VEGFC: variants seen among roughly 807,000 people sequenced by gnomAD.
VEGFC encodes vascular endothelial growth factor C.
Under a neutral mutation model 46.1 loss-of-function variants are expected in VEGFC, and 12 were observed. That is an observed-to-expected ratio of 0.26 (90% CI 0.17 to 0.42). VEGFC has a LOEUF of 0.42. Ranked by LOEUF, VEGFC falls within the 10% of genes least tolerant of loss-of-function variation. The pLI, the probability that VEGFC is intolerant of heterozygous loss-of-function variation, is 1.00. For synonymous variants in VEGFC, 232 were observed against 195.5 expected (o/e 1.19, Z -1.56); for missense variants, 488 against 529.4 (o/e 0.92, Z 0.77).
intron 1 of VEGFC, among the ~76,000 whole-genome samples, chr4:176,752,733 AG>A (rs1259434260): frequency 6.6e-6 from 1 of 152,096 alleles, no homozygotes; most frequent in Non-Finnish European, 1.5e-5. Context: ...CACATAACTA[AG>A]AAATAGGACT....
intron 4 of VEGFC, among the ~76,000 whole-genome samples, chr4:176,697,960 GA>G (rs1209960999): frequency 6.6e-6 from 1 of 151,034 alleles, no homozygotes; most frequent in Non-Finnish European, 1.5e-5. Context: ...ACAGGAAGGG[GA>G]ACATCACACT....
At chr4:176,771,366 G>A (rs957652848) in intron 1 of VEGFC, among the ~76,000 whole-genome samples, 6 of 152,168 alleles carry the variant, frequency 3.9e-5, no homozygotes, top group Admixed American at 3.9e-4. Context: ...TCTTTTAAAT[G>A]TCTTTCCATG....
At chr4:176,702,393 T>C (rs974824747) in intron 4 of VEGFC, among the ~76,000 whole-genome samples, 4 of 152,148 alleles carry the variant, frequency 2.6e-5, no homozygotes, top group South Asian at 2.1e-4. Flanking sequence ...GTCTTCCAAA[T>C]TGAAATAATA....
chr4:176,778,416 G>A (rs780921037), intron 1 of VEGFC, among the ~76,000 whole-genome samples: 6 of 151,894 alleles, frequency 4.0e-5, no homozygotes, highest in Non-Finnish European at 5.9e-5. Context: ...AAGTAAATAG[G>A]AGCTTTTTCT....
chr4:176,728,375 A>G (rs1453912505), intron 2 of VEGFC, among the ~76,000 whole-genome samples: 1 of 152,096 alleles, frequency 6.6e-6, no homozygotes, highest in Non-Finnish European at 1.5e-5. Flanking sequence ...GCAAATATAA[A>G]TATAATTTTA....
chr4:176,769,004 A>G (rs1253722248), intron 1 of VEGFC, among the ~76,000 whole-genome samples: 1 of 152,008 alleles, frequency 6.6e-6, no homozygotes, highest in African/African-American at 2.4e-5. Context: ...TTAAGAGGCC[A>G]GACCTTTGGG....
chr4:176,734,928 T>C (rs775859467), intron 1 of VEGFC, among the ~76,000 whole-genome samples: 1 of 151,870 alleles, frequency 6.6e-6, no homozygotes, highest in Non-Finnish European at 1.5e-5. Context: ...ATAAATGTAA[T>C]TTAAAAGCAT....
intron 6 of VEGFC, among the ~76,000 whole-genome samples, chr4:176,686,350 T>C (rs1734041506): frequency 6.6e-6 from 1 of 152,214 alleles, no homozygotes; most frequent in South Asian, 2.1e-4. Flanking sequence ...TGCCTCGTTT[T>C]TGAGCAGCTT....
At chr4:176,714,040 GGGCTCAAGT>G (rs2111001636) in intron 3 of VEGFC, among the ~76,000 whole-genome samples, 1 of 152,310 alleles carries the variant, frequency 6.6e-6, no homozygotes, top group East Asian at 1.9e-4. Flanking sequence ...TAGTGGGAAA[GGGCTCAAGT>G]GGCTCAGACC....
intron 3 of VEGFC, among the ~76,000 whole-genome samples, chr4:176,713,246 T>C (rs1050411845): frequency 2.0e-5 from 3 of 152,214 alleles, no homozygotes; most frequent in Non-Finnish European, 4.4e-5. Context: ...CAGTTTCTTA[T>C]CTAAAAAGAT....
intron 1 of VEGFC, among the ~76,000 whole-genome samples, chr4:176,748,483 AAGT>A (rs1258402534): frequency 6.6e-6 from 1 of 152,002 alleles, no homozygotes; most frequent in Non-Finnish European, 1.5e-5. Context: ...TGGATATTTC[AAGT>A]AGTACGTATA....
At chr4:176,786,413 A>G (rs1384757477) in intron 1 of VEGFC, among the ~76,000 whole-genome samples, 1 of 152,070 alleles carries the variant, frequency 6.6e-6, no homozygotes, top group African/African-American at 2.4e-5. Flanking sequence ...CAATATTCAA[A>G]ACATCCCTCT....
intron 4 of VEGFC, among the ~76,000 whole-genome samples, chr4:176,710,468 T>C (rs1201476625): frequency 6.6e-6 from 1 of 152,180 alleles, no homozygotes; most frequent in African/African-American, 2.4e-5. Flanking sequence ...TTCCAGGTTT[T>C]CCTAAACTGT....
intron 4 of VEGFC, among the ~76,000 whole-genome samples, chr4:176,707,803 A>C (rs938044102): frequency 2.6e-5 from 4 of 152,252 alleles, no homozygotes; most frequent in African/African-American, 7.2e-5. Context: ...CTATGACTGG[A>C]GGATTTTCTC....
chr4:176,771,831 AGT>A (rs1439949429), intron 1 of VEGFC, among the ~76,000 whole-genome samples: 1 of 152,190 alleles, frequency 6.6e-6, no homozygotes, highest in East Asian at 1.9e-4. Context: ...ATGATCACAC[AGT>A]GTGGGATCTA....
intron 4 of VEGFC, among the ~76,000 whole-genome samples, chr4:176,704,066 A>G (rs1734480619): frequency 6.6e-6 from 1 of 151,934 alleles, no homozygotes; most frequent in African/African-American, 2.4e-5. Context: ...TTATTCTTGA[A>G]CCTTTCTAAT....
chr4:176,766,356 C>T (rs1735622303), intron 1 of VEGFC, among the ~76,000 whole-genome samples: 1 of 152,024 alleles, frequency 6.6e-6, no homozygotes, highest in Non-Finnish European at 1.5e-5. Flanking sequence ...GAGGCTGATG[C>T]AGGAGGATCA....
At chr4:176,737,023 T>A (rs576680505) in intron 1 of VEGFC, among the ~76,000 whole-genome samples, 1 of 150,878 alleles carries the variant, frequency 6.6e-6, no homozygotes, top group Non-Finnish European at 1.5e-5. Context: ...TATATATCAG[T>A]ATATAAATTT....
chr4:176,744,531 G>T (rs1455592984), intron 1 of VEGFC, among the ~76,000 whole-genome samples: 1 of 151,964 alleles, frequency 6.6e-6, no homozygotes, highest in Non-Finnish European at 1.5e-5. Flanking sequence ...GGCAAGGCCT[G>T]TTCCTGTATA....
Sources: allele counts gnomAD v4.1 joint callset (sites outside exome capture counted in the v4.1 genomes callset), GRCh38; gene constraint gnomAD v4.1.1; transcripts MANE v1.5; gene names NCBI Gene and HGNC (gene_info 2026-07-23, HGNC 2026-07-21).